DAB2IP: variants seen among roughly 807,000 people sequenced by gnomAD.
DAB2IP encodes DAB2 interacting protein, also known as disabled homolog 2-interacting protein.
In DAB2IP, 28 loss-of-function variants were observed where a neutral mutation model predicts 107.2. The observed-to-expected ratio is 0.26, with a 90% CI of 0.19 to 0.36. The LOEUF (loss-of-function observed/expected upper bound fraction) is 0.36. DAB2IP is among the 10% of genes least tolerant of loss of function. DAB2IP has a pLI of 1.00. For missense variants in DAB2IP, 1,400 were observed against 1,644.7 expected (o/e 0.85, Z 2.57); for synonymous variants, 755 against 706.4 (o/e 1.07, Z -1.09).
In DAB2IP at chr9:121,701,258, C is replaced by CTAGA. The variant is rs1234030425; in HGVS notation, c.362+1801_362+1804dup. On this transcript the variant is annotated intron_variant, in intron 3 of 15. Coordinates refer to ENST00000408936, the Ensembl canonical transcript of DAB2IP. The surrounding 1 kb of genome is among the most constrained non-coding windows in gnomAD (Gnocchi z 4.7). ...CCTCCTTACAGCGGGAAGCCTGTAC[C>CTAGA]TAGAAGCCGGCAAGTGCTGGCTGGC... Among the ~76,000 whole-genome samples the CTAGA allele has an allele frequency of 1.3e-5, 2 of 152,206 alleles. No homozygotes were observed. The highest frequency in any genetic ancestry group is 2.9e-5 in the Non-Finnish European group (2 of 68,036).
chr9:121,773,416 C>T, exon 12 of DAB2IP: 2 of 1,567,442 alleles, frequency 1.3e-6, no homozygotes, highest in South Asian at 2.5e-5. Context: ...TGGGTGGGCC[C>T]CAGTACCCGC....
At chr9:121,688,122 TG>T (rs1828978918) in intron 2 of DAB2IP, among the ~76,000 whole-genome samples, 1 of 152,130 alleles carries the variant, frequency 6.6e-6, no homozygotes, top group South Asian at 2.1e-4. Flanking sequence ...TCCCCTTTCC[TG>T]GGAGGTGGGG....
chr9:121,636,187 C>T (rs1321581535), intron 1 of DAB2IP, among the ~76,000 whole-genome samples: 6 of 152,104 alleles, frequency 3.9e-5, no homozygotes, highest in Admixed American at 2.0e-4. Flanking sequence ...GGATTACAGG[C>T]GTGAGCCACG....
chr9:121,591,105 G>A (rs759170484), intron 1 of DAB2IP, among the ~76,000 whole-genome samples: 8 of 152,326 alleles, frequency 5.3e-5, no homozygotes, highest in South Asian at 2.1e-4. Context: ...GGGAAGAAGC[G>A]TTGTATATTT....
chr9:121,676,557 C>T (rs1018913945), intron 1 of DAB2IP, among the ~76,000 whole-genome samples: 1 of 152,122 alleles, frequency 6.6e-6, no homozygotes, highest in Non-Finnish European at 1.5e-5. Flanking sequence ...GCACCCCCCA[C>T]GCACCAGGCT....
rs373052918 is a variant in DAB2IP, at chr9:121,622,162, G to C, written c.40+54934G>C. Among the ~76,000 whole-genome samples, 102 of 151,604 alleles carry C rather than the reference G, an allele frequency of 6.7e-4. 1 individual carries two copies. Among genetic ancestry groups the C allele is most frequent in the African/African-American group, 2.4e-3 (101 of 41,362 alleles). On this transcript the variant is annotated intron_variant, in intron 1 of 16. Coordinates refer to the DAB2IP transcript ENST00000259371. ...TGCCACCACGCTCGGCTAATTTTTTGTATTTTTAGCAGAGATGGAGTTTCA... is the reference window on the plus strand; with the variant it reads ...TGCCACCACGCTCGGCTAATTTTTTCTATTTTTAGCAGAGATGGAGTTTCA...
At chr9:121,738,995 A>C (rs1186830445) in intron 3 of DAB2IP, among the ~76,000 whole-genome samples, 1 of 152,254 alleles carries the variant, frequency 6.6e-6, no homozygotes, top group Non-Finnish European at 1.5e-5. Context: ...TGAGTCAGGG[A>C]ATTTCTGTCT....
intron 1 of DAB2IP, among the ~76,000 whole-genome samples, chr9:121,643,146 C>T (rs1253004432): frequency 6.6e-6 from 1 of 152,066 alleles, no homozygotes; most frequent in African/African-American, 2.4e-5. Context: ...CTTGGCCCTA[C>T]CCATCAAAAT....
intron 1 of DAB2IP, among the ~76,000 whole-genome samples, chr9:121,656,963 C>T (rs753903182): frequency 2.0e-5 from 3 of 152,234 alleles, no homozygotes; most frequent in Non-Finnish European, 4.4e-5. Flanking sequence ...CCTCCCTTCA[C>T]AGCCAATGAC....
intron 1 of DAB2IP, among the ~76,000 whole-genome samples, chr9:121,578,192 G>A (rs1830108624): frequency 6.6e-6 from 1 of 152,026 alleles, no homozygotes; most frequent in Non-Finnish European, 1.5e-5. Flanking sequence ...GGGAGGGGAT[G>A]GGTAGTCCTT....
intron 3 of DAB2IP, among the ~76,000 whole-genome samples, chr9:121,747,360 T>TC (rs796951355): frequency 4.0e-4 from 60 of 149,018 alleles, no homozygotes; most frequent in Non-Finnish European, 5.0e-4. Flanking sequence ...TTTTTTTTTT[T>TC]CCCCTGAGAC....
At chr9:121,678,900 C>T (rs1025668644) in intron 2 of DAB2IP, 119 bp downstream of exon 2, 23 of 963,900 alleles carry the variant, frequency 2.4e-5, no homozygotes, top group East Asian at 1.6e-4. Flanking sequence ...GGAGAGCATC[C>T]GGCCTCCCTT....
At chr9:121,783,455 C>CT (rs1374322864) in exon 16 of DAB2IP, 1 of 1,612,958 alleles carries the variant, frequency 6.2e-7, no homozygotes, top group Non-Finnish European at 8.5e-7. Context: ...GATCCTTCCT[C>CT]TGAGTGATGG....
At chr9:121,688,554 C>G (rs1414010809) in intron 2 of DAB2IP, among the ~76,000 whole-genome samples, 2 of 152,186 alleles carry the variant, frequency 1.3e-5, no homozygotes, top group African/African-American at 2.4e-5. Flanking sequence ...CTCTCTGTCT[C>G]CAGAGCTCAC....
At position 121,586,368 on chromosome 9, in the gene DAB2IP, T is replaced by C. The variant is rs570866209; in HGVS notation, c.40+19140T>C. 3.3e-5 allele frequency among the ~76,000 whole-genome samples: 5 copies of C among 152,338 alleles called. No individual in the cohort carries two copies. The East Asian group carries it at 9.6e-4, about 29-fold the overall frequency. The stretch of plus-strand genomic sequence containing the variant: ...CTATAGCGTTGCAGTTGGGTAATTA[T>C]GCTAATAGTTATAAGAAATCATCCT... On this transcript the variant is annotated intron_variant, in intron 1 of 16. Transcript: ENST00000259371.
At chr9:121,710,546 G>A (rs1328254164) in intron 3 of DAB2IP, among the ~76,000 whole-genome samples, 6 of 152,212 alleles carry the variant, frequency 3.9e-5, no homozygotes, top group Non-Finnish European at 8.8e-5. Flanking sequence ...CAGAGCTGAT[G>A]AGCTGTGGCT....
At position 121,772,433 on chromosome 9, in the gene DAB2IP, T is replaced by C. The variant is rs1834829984; in HGVS notation, c.2079-174T>C. ...CTGTGCAGGAGCAGCCGCCTCAGCC[T>C]CTGGTCCCCGGATTCTCCCACTCCT... On this transcript the variant is annotated intron_variant, in intron 11 of 15. Coordinates refer to ENST00000408936, the Ensembl canonical transcript of DAB2IP. This position sits in a 1 kb window ranked among gnomAD's most constrained non-coding sequence, Gnocchi z 4.7. Among the ~76,000 whole-genome samples, 1 of 152,080 alleles carries C rather than the reference T, an allele frequency of 6.6e-6. No homozygotes were observed. The highest frequency in any genetic ancestry group is 6.5e-5 in the Admixed American group (1 of 15,272).
intron 1 of DAB2IP, among the ~76,000 whole-genome samples, chr9:121,579,215 A>G (rs1343355920): frequency 1.3e-5 from 2 of 152,076 alleles, no homozygotes; most frequent in South Asian, 2.1e-4. Flanking sequence ...AACACTGTTC[A>G]TGCTTATTTA....
chr9:121,757,101 A>T, exon 4 of DAB2IP: 1 of 1,614,180 alleles, frequency 6.2e-7, no homozygotes, highest in Non-Finnish European at 8.5e-7. Flanking sequence ...GGACCTCAGC[A>T]TGGAGGAAGA....
Sources: gnomAD v4.1 joint callset for allele counts (sites outside exome capture counted in the v4.1 genomes callset) on GRCh38, gnomAD v4.1.1 for gene constraint, Gnocchi (gnomAD v3.1) non-coding constraint, MANE v1.5 for transcripts, NCBI Gene and HGNC (gene_info 2026-07-23, HGNC 2026-07-21) for gene names.